PGPEP1: variants seen among roughly 807,000 people sequenced by gnomAD.
The protein encoded by PGPEP1 is pyroglutamyl-peptidase 1.
A neutral mutation model predicts 24.1 loss-of-function variants in PGPEP1; 15 were observed. The ratio of observed to expected loss-of-function variants is 0.62; its 90% confidence interval spans 0.42 to 0.96. The LOEUF (loss-of-function observed/expected upper bound fraction) is 0.96, where lower values mean the gene tolerates loss of function less well. Ranked by LOEUF, PGPEP1 falls within the 40% of genes least tolerant of loss-of-function variation. The pLI is 0.00. For synonymous variants in PGPEP1, 122 were observed against 116.4 expected, an observed-to-expected ratio of 1.05 and a Z score of -0.31; for missense variants, 242 against 273.4, an observed-to-expected ratio of 0.89 and a Z score of 0.81.
intron 2 of PGPEP1, among the ~76,000 whole-genome samples, chr19:18,345,211 A>AGGCT (rs1970796784): frequency 6.6e-6 from 1 of 151,934 alleles, no homozygotes; most frequent in African/African-American, 2.4e-5. Context: ...CATGTTGACC[A>AGGCT]GGCTGGTCTT....
At position 18,349,390 on chromosome 19, in the gene PGPEP1, G is replaced by C. The variant is rs145553608; in HGVS notation, c.87+6479G>C. ...TGGCCAGGCTGATCTTGAACTCCTGGCCTCAAGCAATCCTCCTGCCTCAGC... is the reference window on the plus strand; with the variant it reads ...TGGCCAGGCTGATCTTGAACTCCTGCCCTCAAGCAATCCTCCTGCCTCAGC... On this transcript the variant is annotated intron_variant, in intron 2 of 4. Coordinates refer to ENST00000269919, the MANE Select transcript of PGPEP1 (RefSeq NM_017712.4). Among the ~76,000 whole-genome samples the C allele has an allele frequency of 4.0e-3, 614 of 151,854 alleles. 3 individuals carry two copies. The highest frequency in any genetic ancestry group is 0.014 in the African/African-American group (585 of 41,408).
rs142829428 is a variant in PGPEP1 at position 18,362,671 on chromosome 19, T to C, written c.438-720T>C. ...TGAGCCGAGGAGGCAGAAGTTGCAC[T>C]GAGCTGAGATTGTGCCACTGCACTC... On this transcript the variant is annotated intron_variant, in intron 4 of 4. Transcript: ENST00000269919. Among the ~76,000 whole-genome samples, 123 of 146,082 alleles carry C rather than the reference T, an allele frequency of 8.4e-4. 2 individuals are homozygous for C. The East Asian group carries it at 0.021, about 25-fold the overall frequency.
In PGPEP1 at chr19:18,352,266, C is replaced by CAAAAA. The variant is rs60299417; in HGVS notation, c.88-3612_88-3608dup. 2.5e-3 allele frequency among the ~76,000 whole-genome samples: 111 copies of CAAAAA among 43,638 alleles called. 8 individuals are homozygous for CAAAAA. The highest frequency in any genetic ancestry group is 7.7e-3 in the African/African-American group (101 of 13,118). The allele number at this position is 43,638 out of a possible 152,430, so 28.6% of individuals were successfully genotyped here. On this transcript the variant is annotated intron_variant, in intron 2 of 4. Coordinates refer to ENST00000269919, the MANE Select transcript of PGPEP1 (RefSeq NM_017712.4). ...TGGGTGACAGAGCGAGACTCCGTCT[C>CAAAAA]AAAAAAAAAAAAAAAAAAAAATTAG...
chr19:18,342,976 T>C (rs1329647666), intron 2 of PGPEP1, 65 bp downstream of exon 2: 10 of 1,153,592 alleles, frequency 8.7e-6, no homozygotes, highest in African/African-American at 1.6e-5. Context: ...AGTTATGGCA[T>C]CCAAGAAGGT....
chr19:18,343,352 G>A (rs1442991990), intron 2 of PGPEP1, among the ~76,000 whole-genome samples: 1 of 152,124 alleles, frequency 6.6e-6, no homozygotes, highest in Non-Finnish European at 1.5e-5. Context: ...GGTAACCACC[G>A]GAGCACACAT....
At chr19:18,340,766 G>C in intron 1 of PGPEP1, 51 bp downstream of exon 1, 1 of 1,344,804 alleles carries the variant, frequency 7.4e-7, no homozygotes, top group Non-Finnish European at 9.7e-7. Flanking sequence ...GCAGAGGCGG[G>C]GGCGGCTCCG....
chr19:18,347,960 T>C (rs1043175624), intron 2 of PGPEP1, among the ~76,000 whole-genome samples: 3 of 152,144 alleles, frequency 2.0e-5, no homozygotes, highest in Non-Finnish European at 4.4e-5. Flanking sequence ...TCCTTTCTCT[T>C]TGTCCCCTGG....
rs1971498703 is a variant in PGPEP1, at chr19:18,365,069, G to A, written c.*1486G>A. ...TAGATTGCTTTTGGACACTCGCCCA[G>A]GAGTCAGGAGTTGATTTTTATCTCA... On this transcript the variant is annotated 3_prime_UTR_variant, in exon 5 of 5. Coordinates refer to ENST00000269919, the MANE Select transcript of PGPEP1 (RefSeq NM_017712.4). 1 of 152,074 alleles carries A rather than the reference G, an allele frequency of 6.6e-6. No individual in the cohort carries two copies. Among genetic ancestry groups the A allele is most frequent in the African/African-American group, 2.4e-5 (1 of 41,378 alleles). The allele number at this position is 152,074 out of a possible 1,614,324, so 9.4% of individuals were successfully genotyped here.
intron 2 of PGPEP1, among the ~76,000 whole-genome samples, chr19:18,344,660 G>A (rs926498437): frequency 1.3e-5 from 2 of 151,364 alleles, no homozygotes; most frequent in Non-Finnish European, 2.9e-5. Flanking sequence ...CCCTGCAGAT[G>A]GGAGCGTGCC....
chr19:18,356,593 TAAA>T (rs1971192452), intron 3 of PGPEP1, among the ~76,000 whole-genome samples: 1 of 150,808 alleles, frequency 6.6e-6, no homozygotes, highest in African/African-American at 2.4e-5. Flanking sequence ...CAAAAAAATT[TAAA>T]AATTAGGCAT....
chr19:18,353,264 C>G (rs1202371961), intron 2 of PGPEP1, among the ~76,000 whole-genome samples: 1 of 150,720 alleles, frequency 6.6e-6, no homozygotes, highest in African/African-American at 2.5e-5. Context: ...GTTGCCCAGG[C>G]CATAGCGCAG....
intron 4 of PGPEP1, among the ~76,000 whole-genome samples, chr19:18,362,626 G>A (rs1055413809): frequency 1.3e-5 from 2 of 151,596 alleles, no homozygotes; most frequent in African/African-American, 4.8e-5. Flanking sequence ...TACTCGGGAG[G>A]CTGAAGCAGG....
intron 2 of PGPEP1, among the ~76,000 whole-genome samples, chr19:18,353,573 AT>A (rs1971098390): frequency 6.6e-6 from 1 of 152,120 alleles, no homozygotes; most frequent in Non-Finnish European, 1.5e-5. Flanking sequence ...TTGCGCAACC[AT>A]CATCTCTATC....
chr19:18,363,650 G>A lies in PGPEP1; in HGVS notation c.*67G>A. 1 of 1,224,858 alleles carries A rather than the reference G, an allele frequency of 8.2e-7. No individual in the cohort carries two copies. The highest frequency in any genetic ancestry group is 1.4e-5 in the South Asian group (1 of 70,650). The allele number at this position is 1,224,858 out of a possible 1,614,324, so 75.9% of individuals were successfully genotyped here. On this transcript the variant is annotated 3_prime_UTR_variant, in exon 5 of 5. Transcript: ENST00000269919. The stretch of plus-strand genomic sequence containing the variant: ...CCACGAGGGGACATCCACCCTCTGG[G>A]GTGTGGCCAGGAAAAGACAAGCTCT...
At position 18,366,355 on chromosome 19, in the gene PGPEP1, G is replaced by T. The variant is rs1971548981; in HGVS notation, c.*2772G>T. 6.6e-6 allele frequency: 1 copy of T among 152,188 alleles called. No individual in the cohort carries two copies. Among genetic ancestry groups the T allele is most frequent in the African/African-American group, 2.4e-5 (1 of 41,438 alleles). The allele number at this position is 152,188 out of a possible 1,614,324, so 9.4% of individuals were successfully genotyped here. The stretch of plus-strand genomic sequence containing the variant: ...ATTGTCTGCTCATTGTCACGTGTGT[G>T]TGTGTCATCTTTGTATTCTTGCAGT... On this transcript the variant is annotated 3_prime_UTR_variant, in exon 5 of 5. Coordinates refer to ENST00000269919, the MANE Select transcript of PGPEP1 (RefSeq NM_017712.4).
rs1375147042 is a variant in PGPEP1 at position 18,366,318 on chromosome 19, G to C, written c.*2735G>C. 1 of 152,126 alleles carries C rather than the reference G, an allele frequency of 6.6e-6. No homozygotes were observed. The highest frequency in any genetic ancestry group is 1.5e-5 in the Non-Finnish European group (1 of 68,040). 9.4% of individuals were successfully genotyped at this position (152,126 alleles called of 1,614,324 possible). On this transcript the variant is annotated 3_prime_UTR_variant, in exon 5 of 5. Transcript: ENST00000269919. ...AAGCACTGTGTGACATAGCTCCTTA[G>C]AGATATAACCTATTGTCTGCTCATT... is the stretch of plus-strand genomic sequence containing the variant.
chr19:18,354,463 C>G (rs1025237461), intron 2 of PGPEP1, among the ~76,000 whole-genome samples: 31 of 152,134 alleles, frequency 2.0e-4, no homozygotes, highest in African/African-American at 7.0e-4. Flanking sequence ...CCGCTGCATT[C>G]CAGCCTGGGT....
chr19:18,362,156 C>G (rs1971362094), intron 4 of PGPEP1, among the ~76,000 whole-genome samples: 1 of 152,150 alleles, frequency 6.6e-6, no homozygotes. Flanking sequence ...CCTGTAATCC[C>G]AGCACTTTGG....
In PGPEP1 at chr19:18,357,471, A is replaced by G; in HGVS notation, c.293A>G (p.Asn98Ser). The G allele has an allele frequency of 6.2e-7, 1 of 1,613,846 alleles. No individual in the cohort carries two copies. The highest frequency in any genetic ancestry group is 8.5e-7 in the Non-Finnish European group (1 of 1,179,932). Reference sequence around the variant, plus strand: ...AACAAGGGCTACAAGGGGCTGGACAACTGCCGCTTTTGCCCCGGCTCCCAG... The same window carrying G: ...AACAAGGGCTACAAGGGGCTGGACAGCTGCCGCTTTTGCCCCGGCTCCCAG... ...GHNKGYKGLD[N>S]CRFCPGSQCC... Residue 98 changes from asparagine to serine, a missense_variant, in exon 4 of 5, where the codon AAC becomes AGC. Coordinates refer to ENST00000269919, the MANE Select transcript of PGPEP1 (RefSeq NM_017712.4).
Sources: allele counts gnomAD v4.1 joint callset (sites outside exome capture counted in the v4.1 genomes callset), GRCh38; gene constraint gnomAD v4.1.1; transcripts MANE v1.5; gene names NCBI Gene and HGNC (gene_info 2026-07-23, HGNC 2026-07-21).